The following SORBS2 variants were observed in gnomAD, a reference collection of about 807,000 sequenced individuals.
The protein encoded by SORBS2 is sorbin and SH3 domain-containing protein 2.
SORBS2 carries 46 observed loss-of-function variants against 97.7 expected under a neutral mutation model. That is an observed-to-expected ratio of 0.47 (90% CI 0.37 to 0.60). The LOEUF is 0.60. Among genes scored for constraint, SORBS2 ranks in the 20% least tolerant of loss-of-function variants. The pLI, the probability that SORBS2 is intolerant of heterozygous loss-of-function variation, is 0.00. For synonymous variants in SORBS2, 476 were observed against 473.4 expected (o/e 1.01, Z -0.07); for missense variants, 1,316 against 1,282.3 (o/e 1.03, Z -0.40).
chr4:185,587,509 T>C, exon 15 of SORBS2: 1 of 804,144 alleles, frequency 1.2e-6, no homozygotes, highest in Non-Finnish European at 2.1e-6. Context: ...CAGGTGGAGA[T>C]GGTGACGGCG....
At chr4:185,868,159 C>CTTTCTTTTTTTTTTTTT (rs59057506) in intron 1 of SORBS2, among the ~76,000 whole-genome samples, 2 of 105,220 alleles carry the variant, frequency 1.9e-5, no homozygotes, top group African/African-American at 7.8e-5. Flanking sequence ...TTTTTTCTTT[C>CTTTCTTTTTTTTTTTTT]TTTTTTTTTT....
At chr4:185,930,229 T>TTA (rs1241309517) in intron 1 of SORBS2, among the ~76,000 whole-genome samples, 1 of 152,208 alleles carries the variant, frequency 6.6e-6, no homozygotes, top group Non-Finnish European at 1.5e-5. Context: ...ACAGTTTTTA[T>TTA]TACTTTATGT....
intron 2 of SORBS2, among the ~76,000 whole-genome samples, chr4:185,697,378 G>A (rs1052678990): frequency 6.6e-6 from 1 of 152,122 alleles, no homozygotes; most frequent in African/African-American, 2.4e-5. Context: ...CCCACACCCA[G>A]CTTAGCAACA....
In SORBS2 at chr4:185,928,838, G is replaced by A. The variant is rs150421446; in HGVS notation, c.-338+27358C>T. Among the ~76,000 whole-genome samples, 1,137 of 152,240 alleles carry A rather than the reference G, an allele frequency of 7.5e-3. 9 individuals carry two copies. The highest frequency in any genetic ancestry group is 0.011 in the Admixed American group (174 of 15,292). On this transcript the variant is annotated intron_variant, in intron 1 of 20. Transcript: ENST00000284776. ...TGGGATTCCAGGCGTGAGCCACCGC[G>A]CCTGGCCAAGAAGGTTCTTCTTTCC...
chr4:185,807,121 T>A (rs1585153337), intron 1 of SORBS2, among the ~76,000 whole-genome samples: 1 of 152,312 alleles, frequency 6.6e-6, no homozygotes, highest in South Asian at 2.1e-4. Flanking sequence ...GGCAACCGTA[T>A]AAATGAACAG....
chr4:185,795,076 G>A (rs2099098592), intron 1 of SORBS2, among the ~76,000 whole-genome samples: 1 of 152,128 alleles, frequency 6.6e-6, no homozygotes, highest in African/African-American at 2.4e-5. Context: ...TGCAAACTGA[G>A]CATGTGCACC....
intron 12 of SORBS2, among the ~76,000 whole-genome samples, chr4:185,599,896 C>T (rs1339825870): frequency 2.1e-5 from 3 of 143,102 alleles, no homozygotes; most frequent in East Asian, 2.2e-4. Flanking sequence ...GCCCTGGGGG[C>T]GGGGGAGGTG....
rs1478372757 is a variant in SORBS2 at position 185,686,237 on chromosome 4, A to G, written c.-197-7415T>C. ...AAAGTATCAAGTTTGTTTATTGGAC[A>G]TGACAGAATTTAGATTGGTAAAGAT... On this transcript the variant is annotated intron_variant, in intron 2 of 20. Transcript: ENST00000284776. Among the ~76,000 whole-genome samples the G allele has an allele frequency of 2.6e-5, 4 of 152,094 alleles. No homozygotes were observed. The East Asian group carries it at 5.8e-4, about 22-fold the overall frequency.
intron 1 of SORBS2, among the ~76,000 whole-genome samples, chr4:185,866,189 G>A (rs55985352): frequency 4.1e-3 from 624 of 152,294 alleles, no homozygotes; most frequent in Non-Finnish European, 7.4e-3. Flanking sequence ...AGGAGTGGCC[G>A]GGGTTGCTAG....
chr4:185,751,411 T>C (rs1424072430), intron 2 of SORBS2, among the ~76,000 whole-genome samples: 2 of 152,034 alleles, frequency 1.3e-5, no homozygotes, highest in Non-Finnish European at 2.9e-5. Flanking sequence ...CAAAGCAAGA[T>C]GACAGAAGTT....
chr4:185,786,382 G>T (rs1197123880), intron 1 of SORBS2, among the ~76,000 whole-genome samples: 2 of 152,208 alleles, frequency 1.3e-5, no homozygotes, highest in Non-Finnish European at 2.9e-5. Flanking sequence ...ACTTTGTAAG[G>T]CCCTGTGAGA....
intron 1 of SORBS2, among the ~76,000 whole-genome samples, chr4:185,783,849 G>T (rs62335681): frequency 6.6e-6 from 1 of 152,088 alleles, no homozygotes; most frequent in African/African-American, 2.4e-5. Context: ...TCAGTTTGAG[G>T]TTCTGTCTGA....
At chr4:185,613,911 G>A (rs1056226253) in intron 11 of SORBS2, among the ~76,000 whole-genome samples, 1 of 151,950 alleles carries the variant, frequency 6.6e-6, no homozygotes, top group African/African-American at 2.4e-5. Context: ...ATGAGACAAG[G>A]TTCTGCCAGG....
chr4:185,892,802 G>A (rs1482498359), intron 1 of SORBS2, among the ~76,000 whole-genome samples: 2 of 152,198 alleles, frequency 1.3e-5, no homozygotes, highest in Non-Finnish European at 2.9e-5. Context: ...TGGGTACACA[G>A]TATTAGTTTT....
At chr4:185,597,262 T>C (rs1214054520) in intron 12 of SORBS2, among the ~76,000 whole-genome samples, 1 of 152,184 alleles carries the variant, frequency 6.6e-6, no homozygotes, top group Non-Finnish European at 1.5e-5. Context: ...ATCAATGAGT[T>C]GGACAAGATG....
intron 1 of SORBS2, among the ~76,000 whole-genome samples, chr4:185,835,331 G>GAATTTAA (rs1191190138): frequency 1.3e-5 from 2 of 152,100 alleles, no homozygotes; most frequent in African/African-American, 2.4e-5. Context: ...GTAAACCATA[G>GAATTTAA]AATTTAAAAT....
chr4:185,880,987 TGAA>T (rs2099236572), intron 1 of SORBS2, among the ~76,000 whole-genome samples: 1 of 149,488 alleles, frequency 6.7e-6, no homozygotes, highest in Non-Finnish European at 1.5e-5. Flanking sequence ...GAGAAAAAAG[TGAA>T]GAAAAAGAGA....
chr4:185,739,506 A>G (rs2098709243), intron 2 of SORBS2, among the ~76,000 whole-genome samples: 1 of 152,194 alleles, frequency 6.6e-6, no homozygotes, highest in South Asian at 2.1e-4. Flanking sequence ...AAAGCATTCT[A>G]AATTGATGTT....
At chr4:185,624,247 G>A (rs1232046457) in exon 7 of SORBS2, 6 of 1,614,208 alleles carry the variant, frequency 3.7e-6, no homozygotes, top group Admixed American at 1.7e-5. Context: ...TATCGCAGTC[G>A]TCGTTTAGGA....
Sources: gnomAD v4.1 joint callset for allele counts (sites outside exome capture counted in the v4.1 genomes callset) on GRCh38, gnomAD v4.1.1 for gene constraint, MANE v1.5 for transcripts, NCBI Gene and HGNC (gene_info 2026-07-23, HGNC 2026-07-21) for gene names.